DYNC2I2: variants seen among roughly 807,000 people sequenced by gnomAD.
DYNC2I2 encodes cytoplasmic dynein 2 intermediate chain 2.
In DYNC2I2, 39 loss-of-function variants were observed where a neutral mutation model predicts 52.0. The ratio of observed to expected loss-of-function variants is 0.75; its 90% confidence interval spans 0.58 to 0.98. The LOEUF (loss-of-function observed/expected upper bound fraction) is 0.98. Among genes scored for constraint, DYNC2I2 ranks in the 50% least tolerant of loss-of-function variants. DYNC2I2 has a pLI of 0.00. For synonymous variants in DYNC2I2, 359 were observed against 321.1 expected, an observed-to-expected ratio of 1.12 and a Z score of -1.26; for missense variants, 743 against 728.4, an observed-to-expected ratio of 1.02 and a Z score of -0.23.
chr9:128,670,781 G>A, the DYNC2I2 span, among the ~76,000 whole-genome samples: 8 of 151,202 alleles, frequency 5.3e-5, no homozygotes, highest in African/African-American at 1.7e-4. Flanking sequence ...AGAGAGAAAC[G>A]CGGTGGGGTG....
the DYNC2I2 span, among the ~76,000 whole-genome samples, chr9:128,680,355 C>T: frequency 2.0e-5 from 3 of 150,528 alleles, no homozygotes; most frequent in African/African-American, 7.3e-5. Context: ...GCCACTGTAC[C>T]TGGTCAATTA....
intron 1 of DYNC2I2, among the ~76,000 whole-genome samples, chr9:128,653,587 G>A (rs1004304840): frequency 2.0e-5 from 3 of 149,904 alleles, no homozygotes; most frequent in Non-Finnish European, 2.9e-5. Flanking sequence ...GTGCTGGCAT[G>A]CACCTGTAGT....
upstream of DYNC2I2, among the ~76,000 whole-genome samples, chr9:128,658,280 C>G (rs530019465): frequency 7.9e-5 from 12 of 151,776 alleles, no homozygotes; most frequent in African/African-American, 2.7e-4. Context: ...ATTCTCATGC[C>G]TCAGCCTCCC....
intron 1 of DYNC2I2, among the ~76,000 whole-genome samples, chr9:128,645,285 C>G (rs1860593685): frequency 6.6e-6 from 1 of 152,026 alleles, no homozygotes; most frequent in Non-Finnish European, 1.5e-5. Context: ...CGCCTGAGGT[C>G]AGGAGTTCGA....
chr9:128,670,129 G>T, the DYNC2I2 span, among the ~76,000 whole-genome samples: 1 of 151,732 alleles, frequency 6.6e-6, no homozygotes, highest in Non-Finnish European at 1.5e-5. Flanking sequence ...TACAGAGTAA[G>T]ACTCTGTCTC....
At chr9:128,682,863 A>G in the DYNC2I2 span, among the ~76,000 whole-genome samples, 1 of 146,428 alleles carries the variant, frequency 6.8e-6, no homozygotes, top group African/African-American at 2.5e-5. Context: ...TTTTTAGTAG[A>G]GACGGGGTTT....
chr9:128,666,916 T>C, the DYNC2I2 span, among the ~76,000 whole-genome samples: 4 of 151,664 alleles, frequency 2.6e-5, no homozygotes, highest in Non-Finnish European at 5.9e-5. Context: ...AATACAAAAA[T>C]TAGGCCAGGC....
intron 2 of DYNC2I2, among the ~76,000 whole-genome samples, chr9:128,640,411 ACTGCTCAG>A (rs938572390): frequency 6.6e-6 from 1 of 152,166 alleles, no homozygotes; most frequent in Non-Finnish European, 1.5e-5. Flanking sequence ...GCCTGCCTCC[ACTGCTCAG>A]CTGCTCAGTT....
chr9:128,677,487 A>C, the DYNC2I2 span, among the ~76,000 whole-genome samples: 4 of 151,894 alleles, frequency 2.6e-5, no homozygotes, highest in African/African-American at 9.7e-5. Context: ...TCCATCTCAA[A>C]AGCAAAAACA....
chr9:128,680,020 G>A, the DYNC2I2 span, among the ~76,000 whole-genome samples: 865 of 151,978 alleles, frequency 5.7e-3, 6 homozygotes, highest in African/African-American at 0.02. Flanking sequence ...ACTTCTAATA[G>A]TACATGCTAA....
At chr9:128,642,439 G>A (rs1036362759) in intron 1 of DYNC2I2, among the ~76,000 whole-genome samples, 1 of 131,742 alleles carries the variant, frequency 7.6e-6, no homozygotes, top group Non-Finnish European at 1.6e-5. Context: ...CTGGCCTATG[G>A]TAGGAGACTT....
At chr9:128,644,559 G>A (rs1413852591) in intron 1 of DYNC2I2, among the ~76,000 whole-genome samples, 2 of 152,078 alleles carry the variant, frequency 1.3e-5, no homozygotes, top group Admixed American at 6.6e-5. Flanking sequence ...GATTACAGGC[G>A]TGAGCCACCG....
At chr9:128,654,236 G>C (rs1860774354) in intron 1 of DYNC2I2, among the ~76,000 whole-genome samples, 1 of 152,092 alleles carries the variant, frequency 6.6e-6, no homozygotes, top group East Asian at 1.9e-4. Flanking sequence ...AGACTTCTAG[G>C]CCTGAGGTAA....
chr9:128,639,183 T>C (rs1431391084), intron 2 of DYNC2I2, among the ~76,000 whole-genome samples: 1 of 152,072 alleles, frequency 6.6e-6, no homozygotes, highest in African/African-American at 2.4e-5. Flanking sequence ...GCAGATCACC[T>C]GAGGTCAGGA....
intron 2 of DYNC2I2, among the ~76,000 whole-genome samples, chr9:128,640,269 C>A (rs189348209): frequency 1.1e-4 from 16 of 152,258 alleles, no homozygotes; most frequent in African/African-American, 3.9e-4. Context: ...CTCGGCCTCC[C>A]AAAGTGCTGG....
At chr9:128,662,121 T>C in the DYNC2I2 span, among the ~76,000 whole-genome samples, 1 of 151,272 alleles carries the variant, frequency 6.6e-6, no homozygotes, top group Admixed American at 6.6e-5. Context: ...TAGTCCCAGC[T>C]ACTTTGGAGG....
At chr9:128,668,198 A>G in the DYNC2I2 span, among the ~76,000 whole-genome samples, 2 of 151,594 alleles carry the variant, frequency 1.3e-5, no homozygotes, top group South Asian at 4.2e-4. Flanking sequence ...TGACCTTGTG[A>G]TCCGCCCGCC....
chr9:128,639,453 T>C (rs958995296), intron 2 of DYNC2I2, among the ~76,000 whole-genome samples: 4 of 151,890 alleles, frequency 2.6e-5, no homozygotes, highest in Non-Finnish European at 5.9e-5. Flanking sequence ...AACCCAATAC[T>C]GTCTGCCCAA....
intron 4 of DYNC2I2, chr9:128,636,080 C>G (rs1860405391): frequency 1.1e-6 from 1 of 894,146 alleles, no homozygotes; most frequent in Admixed American, 2.0e-5. Context: ...GGCCCCGACC[C>G]TGGCCCCCTT....
Sources: allele counts gnomAD v4.1 joint callset (sites outside exome capture counted in the v4.1 genomes callset), GRCh38; gene constraint gnomAD v4.1.1; transcripts MANE v1.5; gene names NCBI Gene and HGNC (gene_info 2026-07-23, HGNC 2026-07-21).